The following CWC27 variants were observed in gnomAD, a reference collection of about 807,000 sequenced individuals.
The protein encoded by CWC27 is CWC27 spliceosome associated cyclophilin.
Under a neutral mutation model 63.6 loss-of-function variants are expected in CWC27, and 47 were observed. The observed-to-expected ratio is 0.74, with a 90% confidence interval of 0.58 to 0.94. The LOEUF is 0.94. Ranked by LOEUF, CWC27 falls within the 40% of genes least tolerant of loss-of-function variation. The probability of loss-of-function intolerance (pLI) is 0.00; values close to 1 mark genes in which losing one functional copy is unlikely to be tolerated. For missense variants in CWC27, 495 were observed against 554.3 expected, an observed-to-expected ratio of 0.89 and a Z score of 1.07; for synonymous variants, 175 against 179.8, an observed-to-expected ratio of 0.97 and a Z score of 0.22.
intron 10 of CWC27, among the ~76,000 whole-genome samples, chr5:64,820,260 G>A (rs1337403134): frequency 1.3e-5 from 2 of 152,166 alleles, no homozygotes; most frequent in African/African-American, 4.8e-5. Context: ...CTATGCCAAA[G>A]GGCACACTTC....
intron 13 of CWC27, among the ~76,000 whole-genome samples, chr5:65,004,903 T>TGTAC (rs1749809178): frequency 1.7e-5 from 1 of 59,722 alleles, no homozygotes; most frequent in South Asian, 1.1e-3. Context: ...TATATATATA[T>TGTAC]ATACATACAC....
chr5:64,972,564 C>A, intron 12 of CWC27: 3 of 379,178 alleles, frequency 7.9e-6, no homozygotes, highest in South Asian at 2.1e-5. Context: ...ATGGACACAC[C>A]ATTTTAGTTG....
chr5:64,892,087 T>A (rs10805390), intron 11 of CWC27, among the ~76,000 whole-genome samples: 18 of 152,032 alleles, frequency 1.2e-4, no homozygotes, highest in South Asian at 4.1e-4. Context: ...GAGCCACCAC[T>A]CCCAGCTCTG....
chr5:64,788,067 T>G (rs1475961624), intron 6 of CWC27, among the ~76,000 whole-genome samples: 1 of 152,118 alleles, frequency 6.6e-6, no homozygotes, highest in East Asian at 1.9e-4. Flanking sequence ...AAGCAGTTAA[T>G]TCCTTGTGGC....
At chr5:64,881,964 ATGTTTGATGGAGTAAATGGAAGATG>A (rs1746948079) in intron 10 of CWC27, among the ~76,000 whole-genome samples, 1 of 152,182 alleles carries the variant, frequency 6.6e-6, no homozygotes, top group South Asian at 2.1e-4. Context: ...AAAGATAGGA[ATGTTTGATGGAGTAAATGGAAGATG>A]TGTTTGCTGT....
chr5:65,015,235 T>C (rs1750030651), intron 13 of CWC27, among the ~76,000 whole-genome samples: 1 of 152,226 alleles, frequency 6.6e-6, no homozygotes, highest in Admixed American at 6.5e-5. Flanking sequence ...ATATTCTTAA[T>C]TGACAAATTC....
chr5:64,889,603 A>C (rs772751420), intron 11 of CWC27, among the ~76,000 whole-genome samples: 15 of 152,318 alleles, frequency 9.8e-5, no homozygotes, highest in Non-Finnish European at 1.8e-4. Context: ...TTATGGCATA[A>C]AAATATTTTC....
chr5:64,782,098 A>G, intron 3 of CWC27, 65 bp downstream of exon 3: 1 of 859,220 alleles, frequency 1.2e-6, no homozygotes, highest in Non-Finnish European at 1.8e-6. Context: ...GTCAGTTTGG[A>G]TTGCTTAATC....
At chr5:64,945,886 A>G (rs1748581932) in intron 11 of CWC27, among the ~76,000 whole-genome samples, 1 of 152,186 alleles carries the variant, frequency 6.6e-6, no homozygotes, top group South Asian at 2.1e-4. Context: ...TGAAAAAGAA[A>G]CTTGCTGCAT....
chr5:65,002,362 T>C (rs1249218853), intron 13 of CWC27, among the ~76,000 whole-genome samples: 1 of 151,762 alleles, frequency 6.6e-6, no homozygotes, highest in East Asian at 1.9e-4. Context: ...AGGGTTTGGT[T>C]TGTTTTTGCT....
In CWC27 at chr5:64,885,398, ACT is replaced by A. The variant is rs761451338; in HGVS notation, c.939-41_939-40del. On this transcript the variant is annotated intron_variant, in intron 10 of 13. Coordinates refer to ENST00000381070, the MANE Select transcript of CWC27 (RefSeq NM_005869.4). ...ATTCTGTTTTTGCTAAACAACTTTT[ACT>A]CTCAATATATTATATACTTATATAA... 34 of 1,284,252 alleles carry A rather than the reference ACT, an allele frequency of 2.6e-5. No individual in the cohort carries two copies. The African/African-American group carries it at 4.8e-4, about 18-fold the overall frequency. The allele number at this position is 1,284,252 out of a possible 1,614,324, so 79.6% of individuals were successfully genotyped here. A position where few individuals can be genotyped will look rare whatever the true frequency, so the allele number is the denominator to read the frequency against.
chr5:64,965,420 G>T (rs1195689736), intron 11 of CWC27, among the ~76,000 whole-genome samples: 4 of 152,228 alleles, frequency 2.6e-5, no homozygotes, highest in Non-Finnish European at 4.4e-5. Flanking sequence ...TCAGATGACA[G>T]TTGAGTTAGC....
At chr5:64,863,338 A>G (rs1467465100) in intron 10 of CWC27, among the ~76,000 whole-genome samples, 3 of 152,038 alleles carry the variant, frequency 2.0e-5, no homozygotes, top group Non-Finnish European at 4.4e-5. Flanking sequence ...TATGATGTCT[A>G]CTTACCTCTC....
chr5:64,930,939 T>C (rs551676198), intron 11 of CWC27, among the ~76,000 whole-genome samples: 1 of 152,226 alleles, frequency 6.6e-6, no homozygotes, highest in East Asian at 1.9e-4. Flanking sequence ...ACAACTGTCT[T>C]GTATTCTTCA....
chr5:64,778,515 T>C (rs1323299583), intron 2 of CWC27, among the ~76,000 whole-genome samples: 2 of 152,228 alleles, frequency 1.3e-5, no homozygotes, highest in African/African-American at 4.8e-5. Context: ...AATTTGAATA[T>C]GAATTTGTAG....
rs1745296974 is a variant in CWC27 at position 64,824,315 on chromosome 5, G to A, written c.938+19929G>A. Among the ~76,000 whole-genome samples, 3 of 152,100 alleles carry A rather than the reference G, an allele frequency of 2.0e-5. 1 individual carries two copies. The South Asian group carries it at 6.2e-4, about 31-fold the overall frequency. ...CTTTTAATATTATTATTTTACTAGA[G>A]TATTTACAATATTAGAACTTTGTTA... On this transcript the variant is annotated intron_variant, in intron 10 of 13. Transcript: ENST00000381070.
intron 11 of CWC27, among the ~76,000 whole-genome samples, chr5:64,961,540 A>G (rs1467934050): frequency 6.6e-6 from 1 of 152,204 alleles, no homozygotes; most frequent in Non-Finnish European, 1.5e-5. Context: ...ACATTTTGAT[A>G]CTTACATTGT....
intron 13 of CWC27, among the ~76,000 whole-genome samples, chr5:64,998,109 G>A (rs1346248070): frequency 1.3e-5 from 2 of 152,076 alleles, no homozygotes; most frequent in African/African-American, 4.8e-5. Flanking sequence ...TCAGGATGAA[G>A]ACAGCTCTTC....
intron 10 of CWC27, among the ~76,000 whole-genome samples, chr5:64,871,943 G>T (rs565673894): frequency 7.2e-5 from 11 of 152,254 alleles, no homozygotes; most frequent in African/African-American, 2.4e-4. Context: ...TTCAACCCAT[G>T]CAGTGAGGAA....
Sources: gnomAD v4.1 joint callset for allele counts (sites outside exome capture counted in the v4.1 genomes callset) on GRCh38, gnomAD v4.1.1 for gene constraint, MANE v1.5 for transcripts, NCBI Gene and HGNC (gene_info 2026-07-23, HGNC 2026-07-21) for gene names.